The following ATXN3 variants were observed in gnomAD, a reference collection of about 807,000 sequenced individuals.
ATXN3 encodes ataxin-3.
A neutral mutation model predicts 58.2 loss-of-function variants in ATXN3; 28 were observed. That is an observed-to-expected ratio of 0.48 (90% CI 0.36 to 0.66). The LOEUF (loss-of-function observed/expected upper bound fraction) is 0.66, where lower values mean the gene tolerates loss of function less well. ATXN3 is among the 30% of genes least tolerant of loss of function. The pLI, the probability that ATXN3 is intolerant of heterozygous loss-of-function variation, is 0.00. For missense variants in ATXN3, 321 were observed against 422.1 expected, an observed-to-expected ratio of 0.76 and a Z score of 2.10; for synonymous variants, 113 against 138.5, an observed-to-expected ratio of 0.82 and a Z score of 1.29.
intron 1 of ATXN3, among the ~76,000 whole-genome samples, chr14:92,097,123 A>G (rs929450101): frequency 1.3e-5 from 2 of 151,884 alleles, no homozygotes; most frequent in Non-Finnish European, 1.5e-5. Flanking sequence ...GTTAGCCAGG[A>G]TGGTCTTGAT....
At position 92,063,872 on chromosome 14, in the gene ATXN3, A is replaced by ATCTC. The variant is rs2057956748; in HGVS notation, c.*447_*448insGAGA. Reference sequence around the variant, plus strand: ...TATTATCAACATCAGGAAAGTAGAGATACTTTCCTGAAAGGTTAATTTGGT... The same window carrying ATCTC: ...TATTATCAACATCAGGAAAGTAGAGATCTCTACTTTCCTGAAAGGTTAATTTGGT... On this transcript the variant is annotated 3_prime_UTR_variant, in exon 11 of 11. Transcript: ENST00000644486. 6.5e-6 allele frequency: 1 copy of ATCTC among 155,002 alleles called. No homozygotes were observed. Among genetic ancestry groups the ATCTC allele is most frequent in the Non-Finnish European group, 1.4e-5 (1 of 70,168 alleles). The allele number at this position is 155,002 out of a possible 1,614,324, so 9.6% of individuals were successfully genotyped here. A position where few individuals can be genotyped will look rare whatever the true frequency, so the allele number is the denominator to read the frequency against.
At chr14:92,075,025 A>G (rs2060093589) in intron 9 of ATXN3, among the ~76,000 whole-genome samples, 1 of 152,244 alleles carries the variant, frequency 6.6e-6, no homozygotes, top group Non-Finnish European at 1.5e-5. Context: ...TTACAGTGAC[A>G]CAGCTGATGT....
At position 92,093,836 on chromosome 14, in the gene ATXN3, T is replaced by C; in HGVS notation, c.235-5A>G. On this transcript the variant is annotated splice_polypyrimidine_tract_variant and splice_region_variant and intron_variant, in intron 3 of 10. Coordinates refer to ENST00000644486, the MANE Select transcript of ATXN3 (RefSeq NM_004993.6). The stretch of plus-strand genomic sequence containing the variant: ...TTTCAAGGCATTGCTTATAACCTGT[T>C]AAGAAAAATAGCAACTTTTCATAAG... 5.0e-6 allele frequency: 8 copies of C among 1,587,442 alleles called. No individual in the cohort carries two copies. The highest frequency in any genetic ancestry group is 6.9e-6 in the Non-Finnish European group (8 of 1,156,238).
At chr14:92,073,877 G>A (rs761232988) in intron 9 of ATXN3, among the ~76,000 whole-genome samples, 2 of 151,418 alleles carry the variant, frequency 1.3e-5, no homozygotes, top group Non-Finnish European at 2.9e-5. Context: ...GCCAGGTGTG[G>A]TGCTACACAC....
At chr14:92,074,301 T>G (rs2059974357) in intron 9 of ATXN3, among the ~76,000 whole-genome samples, 1 of 152,132 alleles carries the variant, frequency 6.6e-6, no homozygotes, top group Non-Finnish European at 1.5e-5. Flanking sequence ...CACTCCAGCC[T>G]GGGCGACAGA....
rs201012097 is a variant in ATXN3, at chr14:92,082,373, T to C, written c.702A>G (p.Ala234=). ...CCATGTCAATTTCTTGGCGACTTAG[T>C]GCCAGAGCCCTCTGCAAATCCTCCT... ...EDEEDLQRAL[A]LSRQEIDMED... Residue 234 remains alanine, a synonymous_variant, in exon 8 of 11, where the codon GCA becomes GCG. Transcript: ENST00000644486. The C allele has an allele frequency of 9.2e-4, 1,479 of 1,614,164 alleles. 25 individuals are homozygous for C. In the South Asian group the frequency reaches 0.015, roughly 17 times the overall value.
At chr14:92,080,484 G>GT (rs1224337703) in intron 9 of ATXN3, 1 of 152,638 alleles carries the variant, frequency 6.6e-6, no homozygotes, top group Admixed American at 6.6e-5. Flanking sequence ...TTGGGGCAAG[G>GT]TTTTTTTGTT....
At chr14:92,089,332 CTTTTTTTT>C (rs1157498754) in intron 5 of ATXN3, among the ~76,000 whole-genome samples, 1 of 60,738 alleles carries the variant, frequency 1.6e-5, no homozygotes, top group African/African-American at 7.4e-5. Flanking sequence ...GCTAAATACT[CTTTTTTTT>C]TTTTTTTTTT....
chr14:92,046,523 A>G (rs377670703), intron 2 of ATXN3, among the ~76,000 whole-genome samples: 11 of 152,318 alleles, frequency 7.2e-5, no homozygotes, highest in Admixed American at 5.2e-4. Context: ...AAGAATTCCA[A>G]CTGCACAGCC....
At chr14:92,099,495 T>C (rs560619291) in intron 1 of ATXN3, among the ~76,000 whole-genome samples, 6 of 152,236 alleles carry the variant, frequency 3.9e-5, no homozygotes, top group Non-Finnish European at 8.8e-5. Flanking sequence ...TCCTTATATA[T>C]TTCTACTACC....
rs530038772 is a variant in ATXN3, at chr14:92,086,145, C to T, written c.475+2585G>A. 2.0e-5 allele frequency among the ~76,000 whole-genome samples: 3 copies of T among 151,556 alleles called. No homozygotes were observed. In the South Asian group the frequency reaches 6.3e-4, roughly 32 times the overall value. On this transcript the variant is annotated intron_variant, in intron 6 of 10. Transcript: ENST00000644486. ...AAAGATGGCTAGGCAAGGTGACTCACGCCTGTAATCCCAGCACTTTGGGAG... is the reference window on the plus strand; with the variant it reads ...AAAGATGGCTAGGCAAGGTGACTCATGCCTGTAATCCCAGCACTTTGGGAG...
At chr14:92,057,227 C>T (rs1169038811), downstream of ATXN3, among the ~76,000 whole-genome samples, 1 of 152,182 alleles carries the variant, frequency 6.6e-6, no homozygotes, top group African/African-American at 2.4e-5. Context: ...ACCTTCCTGG[C>T]CAACATGGTG....
chr14:92,058,787 TG>T lies in ATXN3; in HGVS notation c.*5532del, dbSNP rs1161940183. The T allele has an allele frequency of 3.8e-4, 58 of 152,218 alleles. 1 individual carries two copies. The highest frequency in any genetic ancestry group is 3.8e-3 in the Admixed American group (58 of 15,274). The allele number at this position is 152,218 out of a possible 1,614,324, so 9.4% of individuals were successfully genotyped here. A position where few individuals can be genotyped will look rare whatever the true frequency, so the allele number is the denominator to read the frequency against. On this transcript the variant is annotated 3_prime_UTR_variant, in exon 11 of 11. Coordinates refer to ENST00000644486, the MANE Select transcript of ATXN3 (RefSeq NM_004993.6). ...GCAAGCGGCACTGCCACAGTGCACT[TG>T]TATCATGGCCAAACAACAATGCTTT...
At chr14:92,092,797 T>C (rs1309844238) in intron 5 of ATXN3, among the ~76,000 whole-genome samples, 2 of 151,640 alleles carry the variant, frequency 1.3e-5, no homozygotes, top group East Asian at 3.9e-4. Flanking sequence ...CACACACACA[T>C]TACTGGTCAG....
intron 6 of ATXN3, among the ~76,000 whole-genome samples, chr14:92,086,633 T>TGAGGCAGGAGA (rs2062627058): frequency 1.3e-5 from 2 of 151,052 alleles, no homozygotes; most frequent in Admixed American, 1.3e-4. Context: ...CTCGGGAGGT[T>TGAGGCAGGAGA]GAGGCAGGAG....
At chr14:92,076,780 AG>A (rs1190788960) in intron 9 of ATXN3, among the ~76,000 whole-genome samples, 1 of 151,766 alleles carries the variant, frequency 6.6e-6, no homozygotes, top group Non-Finnish European at 1.5e-5. Context: ...TGTCTACAAA[AG>A]ACACAAAAAT....
rs1566893435 is a variant in ATXN3, at chr14:92,060,239, T to TACACACACACAC, written c.*4080_*4081insGTGTGTGTGTGT. On this transcript the variant is annotated 3_prime_UTR_variant, in exon 11 of 11. Coordinates refer to ENST00000644486, the MANE Select transcript of ATXN3 (RefSeq NM_004993.6). ...AGGAAGTCATATATATATACATATATATATACACACATATATATATATATA... is the reference window on the plus strand; with the variant it reads ...AGGAAGTCATATATATATACATATATACACACACACACATATACACACATATATATATATATA... 7.3e-6 allele frequency: 1 copy of TACACACACACAC among 136,566 alleles called. No individual in the cohort carries two copies. Among genetic ancestry groups the TACACACACACAC allele is most frequent in the Admixed American group, 7.7e-5 (1 of 13,054 alleles). The allele number at this position is 136,566 out of a possible 1,614,324, so 8.5% of individuals were successfully genotyped here.
In ATXN3 at chr14:92,093,779, C is replaced by T. The variant is rs775850621; in HGVS notation, c.287G>A (p.Ser96Asn). Residue 96 changes from serine (S) to asparagine (N), a missense_variant, in exon 4 of 11, where the codon AGT becomes AAT. By Grantham distance (46) the Ser-to-Asn change is conservative. Around this residue, in one of 2 missense-constraint regions of ATXN3, gnomAD observed 121 missense variants for 198.9 expected, o/e 0.61. Coordinates refer to ENST00000644486, the MANE Select transcript of ATXN3 (RefSeq NM_004993.6). ...GATCCTGAGCCTCTGATACTCTGGA[C>T]TGTTGAACAGGATTAGTTCTAAACC... ...VWGLELILFN[S>N]PEYQRLRIDP... is the part of the protein sequence containing the mutation. The T allele has an allele frequency of 1.2e-6, 2 of 1,612,552 alleles. No homozygotes were observed. The highest frequency in any genetic ancestry group is 2.2e-5 in the South Asian group (2 of 91,036).
At chr14:92,072,690 AG>A (rs1276972291) in intron 9 of ATXN3, among the ~76,000 whole-genome samples, 1 of 126,330 alleles carries the variant, frequency 7.9e-6, no homozygotes, top group African/African-American at 3.3e-5. Context: ...GAGAAGCTAT[AG>A]GTTAAAAAAA....
Sources: gnomAD v4.1 joint callset for allele counts (sites outside exome capture counted in the v4.1 genomes callset) on GRCh38, gnomAD v4.1.1 for gene constraint, gnomAD v4.1.1 regional missense constraint, MANE v1.5 for transcripts, NCBI Gene and HGNC (gene_info 2026-07-23, HGNC 2026-07-21) for gene names.